DLG2: variants seen among roughly 807,000 people sequenced by gnomAD.
DLG2 encodes disks large homolog 2.
Under a neutral mutation model 132.5 loss-of-function variants are expected in DLG2, and 45 were observed. The observed-to-expected ratio is 0.34, with a 90% confidence interval of 0.27 to 0.44. The LOEUF (loss-of-function observed/expected upper bound fraction) is 0.44. DLG2 is among the 20% of genes least tolerant of loss of function. DLG2 has a pLI of 1.00. For missense variants in DLG2, 1,045 were observed against 1,196.9 expected (o/e 0.87, Z 1.87); for synonymous variants, 424 against 419.6 (o/e 1.01, Z -0.13).
At chr11:83,994,751 A>C (rs1284522823) in intron 11 of DLG2, among the ~76,000 whole-genome samples, 1 of 152,182 alleles carries the variant, frequency 6.6e-6, no homozygotes, top group Non-Finnish European at 1.5e-5. Flanking sequence ...CGTAACTAAC[A>C]GAAATTTACT....
chr11:85,348,924 A>T (rs1192201066), intron 3 of DLG2, among the ~76,000 whole-genome samples: 1 of 152,136 alleles, frequency 6.6e-6, no homozygotes, highest in Non-Finnish European at 1.5e-5. Context: ...AATTTGATTA[A>T]TTTACTTCCC....
chr11:85,553,111 G>A (rs926498075), intron 3 of DLG2, among the ~76,000 whole-genome samples: 2 of 145,532 alleles, frequency 1.4e-5, no homozygotes, highest in Non-Finnish European at 3.0e-5. Context: ...TGAATGCCAG[G>A]CACTGTTTTA....
At chr11:85,289,657 C>T (rs191631254) in intron 3 of DLG2, among the ~76,000 whole-genome samples, 2 of 152,110 alleles carry the variant, frequency 1.3e-5, no homozygotes, top group South Asian at 2.1e-4. Context: ...TGTTCCCTTA[C>T]GACATACCTG....
chr11:83,912,716 A>C (rs1036528986), intron 15 of DLG2, among the ~76,000 whole-genome samples: 3 of 152,170 alleles, frequency 2.0e-5, no homozygotes, highest in African/African-American at 7.2e-5. Context: ...GGGCAACCCG[A>C]TACTGATATT....
In DLG2 at chr11:84,067,555, ACC is replaced by A. The variant is rs1491267643; in HGVS notation, c.750-8073_750-8072del. Among the ~76,000 whole-genome samples, 9 of 70,878 alleles carry A rather than the reference ACC, an allele frequency of 1.3e-4. 1 individual carries two copies. The South Asian group carries it at 2.5e-3, about 20-fold the overall frequency. The allele number at this position is 70,878 out of a possible 152,430, so 46.5% of individuals were successfully genotyped here. ...GAGAGGAGAAAATAATACACCCCCC[ACC>A]ACACACACACACACACACACACACA... is the stretch of plus-strand genomic sequence containing the variant. On this transcript the variant is annotated intron_variant, in intron 10 of 27. Transcript: ENST00000376104.
At chr11:84,895,978 G>C (rs1312453528) in intron 6 of DLG2, among the ~76,000 whole-genome samples, 2 of 152,050 alleles carry the variant, frequency 1.3e-5, no homozygotes, top group East Asian at 3.9e-4. Flanking sequence ...ATTTATGAAT[G>C]TATTAATAGA....
intron 3 of DLG2, among the ~76,000 whole-genome samples, chr11:85,574,424 CAA>C (rs781533239): frequency 1.2e-3 from 143 of 116,298 alleles, no homozygotes; most frequent in Non-Finnish European, 1.1e-3. Flanking sequence ...GCTGCTCAGG[CAA>C]AAAAAAAAAA....
At chr11:84,598,848 G>T (rs1001343030) in intron 6 of DLG2, among the ~76,000 whole-genome samples, 17 of 152,088 alleles carry the variant, frequency 1.1e-4, no homozygotes, top group African/African-American at 3.6e-4. Flanking sequence ...GGCTGAAGGG[G>T]AAGGATTGCT....
intron 4 of DLG2, among the ~76,000 whole-genome samples, chr11:85,254,785 G>A (rs930629488): frequency 2.0e-5 from 3 of 152,102 alleles, no homozygotes; most frequent in Non-Finnish European, 4.4e-5. Context: ...AGGATCATGA[G>A]GTCAGGAGAT....
At chr11:85,579,877 TG>T (rs1193332632) in intron 3 of DLG2, among the ~76,000 whole-genome samples, 1 of 152,144 alleles carries the variant, frequency 6.6e-6, no homozygotes, top group African/African-American at 2.4e-5. Context: ...TGCATTTTGC[TG>T]TGAAGGGGTT....
At chr11:85,377,680 A>G (rs989035121) in intron 3 of DLG2, among the ~76,000 whole-genome samples, 17 of 151,714 alleles carry the variant, frequency 1.1e-4, no homozygotes, top group Non-Finnish European at 2.1e-4. Context: ...TCAAGCCCCA[A>G]ATTAAGGCTG....
chr11:85,038,018 C>G (rs1427359862), intron 6 of DLG2, among the ~76,000 whole-genome samples: 1 of 152,090 alleles, frequency 6.6e-6, no homozygotes, highest in Non-Finnish European at 1.5e-5. Context: ...AAATAGGAAT[C>G]TGGGTCCCCT....
At chr11:84,861,058 C>T (rs755923133) in intron 6 of DLG2, among the ~76,000 whole-genome samples, 1 of 152,012 alleles carries the variant, frequency 6.6e-6, no homozygotes, top group Non-Finnish European at 1.5e-5. Context: ...AAGAAGTAAA[C>T]AACCACAATA....
At chr11:85,430,064 T>C (rs1158792659) in intron 3 of DLG2, among the ~76,000 whole-genome samples, 2 of 152,110 alleles carry the variant, frequency 1.3e-5, no homozygotes, top group Non-Finnish European at 2.9e-5. Flanking sequence ...TGTAAGGACA[T>C]GGATGAAGCT....
chr11:84,771,013 T>C (rs552862214), intron 6 of DLG2, among the ~76,000 whole-genome samples: 13 of 152,264 alleles, frequency 8.5e-5, no homozygotes, highest in African/African-American at 3.1e-4. Context: ...ATTTTCTTTA[T>C]CCAGACAACT....
chr11:84,392,694 A>G (rs2098796763), intron 7 of DLG2, among the ~76,000 whole-genome samples: 1 of 152,196 alleles, frequency 6.6e-6, no homozygotes, highest in Non-Finnish European at 1.5e-5. Flanking sequence ...CTCATTTTAC[A>G]GAGAAGAAAA....
At chr11:84,606,996 C>T (rs1469985700) in intron 6 of DLG2, among the ~76,000 whole-genome samples, 1 of 152,084 alleles carries the variant, frequency 6.6e-6, no homozygotes. Context: ...ATCATTTCTA[C>T]TTTTTAATTC....
chr11:84,823,914 G>A (rs1598956381), intron 6 of DLG2, among the ~76,000 whole-genome samples: 3 of 151,740 alleles, frequency 2.0e-5, no homozygotes, highest in Non-Finnish European at 4.4e-5. Context: ...AAGGTGGCAC[G>A]GCTCTGTCCA....
chr11:84,606,253 C>T (rs1156470142), intron 6 of DLG2, among the ~76,000 whole-genome samples: 1 of 151,982 alleles, frequency 6.6e-6, no homozygotes, highest in African/African-American at 2.4e-5. Context: ...TTTAAATGCA[C>T]AATATTAGGG....
Sources: allele counts gnomAD v4.1 joint callset (sites outside exome capture counted in the v4.1 genomes callset), GRCh38; gene constraint gnomAD v4.1.1; transcripts MANE v1.5; gene names NCBI Gene and HGNC (gene_info 2026-07-23, HGNC 2026-07-21).